MAGI2: variants seen among roughly 807,000 people sequenced by gnomAD.
MAGI2 encodes membrane-associated guanylate kinase, WW and PDZ domain-containing protein 2.
In MAGI2, 35 loss-of-function variants were observed where a neutral mutation model predicts 133.3. The observed-to-expected ratio is 0.26, with a 90% CI of 0.20 to 0.35. The LOEUF is 0.35. MAGI2 is among the 10% of genes least tolerant of loss of function. The pLI is 1.00. For synonymous variants in MAGI2, 729 were observed against 710.6 expected (o/e 1.03, Z -0.41); for missense variants, 1,636 against 1,863.4 (o/e 0.88, Z 2.25).
chr7:79,253,133 C>T (rs1165688716), intron 1 of MAGI2, among the ~76,000 whole-genome samples: 2 of 152,086 alleles, frequency 1.3e-5, no homozygotes, highest in African/African-American at 4.8e-5. Flanking sequence ...GCATACAATT[C>T]GTACAAACTC....
At chr7:78,801,806 A>C (rs1352891803) in intron 2 of MAGI2, among the ~76,000 whole-genome samples, 2 of 152,114 alleles carry the variant, frequency 1.3e-5, no homozygotes, top group Non-Finnish European at 2.9e-5. Context: ...GATCTCATTT[A>C]TTACTCACCA....
chr7:78,020,926 ATTCT>A (rs1223278337), intron 21 of MAGI2, among the ~76,000 whole-genome samples: 1 of 152,174 alleles, frequency 6.6e-6, no homozygotes, highest in Non-Finnish European at 1.5e-5. Flanking sequence ...GACTAAGATA[ATTCT>A]TTCTAGGAAG....
intron 2 of MAGI2, among the ~76,000 whole-genome samples, chr7:78,791,355 T>A (rs543960377): frequency 6.6e-6 from 1 of 152,302 alleles, no homozygotes; most frequent in Non-Finnish European, 1.5e-5. Context: ...GAGAAATAGT[T>A]GAGAAACAGG....
chr7:78,902,779 T>C (rs554235510), intron 2 of MAGI2, among the ~76,000 whole-genome samples: 4 of 152,280 alleles, frequency 2.6e-5, no homozygotes, highest in South Asian at 2.1e-4. Context: ...AAAAGCTCAA[T>C]TGGACCCCTG....
At chr7:79,068,683 G>A (rs1814631620) in intron 1 of MAGI2, among the ~76,000 whole-genome samples, 1 of 151,710 alleles carries the variant, frequency 6.6e-6, no homozygotes, top group South Asian at 2.1e-4. Flanking sequence ...GTGATGGTAG[G>A]GTGTCGATTT....
rs115299761 is a variant in MAGI2 at position 79,000,133 on chromosome 7, C to T, written c.418+6957G>A. On this transcript the variant is annotated intron_variant, in intron 2 of 21. Transcript: ENST00000354212. Reference sequence around the variant, plus strand: ...TATTGCTTCTACTCCTCTGTCTAAACGTGGAGCTACAGTTCAACTTAACAT... The same window carrying T: ...TATTGCTTCTACTCCTCTGTCTAAATGTGGAGCTACAGTTCAACTTAACAT... 217 of 152,224 alleles carry T rather than the reference C, an allele frequency of 1.4e-3. 1 individual carries two copies. Among genetic ancestry groups the T allele is most frequent in the African/African-American group, 4.7e-3 (196 of 41,544 alleles). The allele number at this position is 152,224 out of a possible 1,614,324, so 9.4% of individuals were successfully genotyped here.
intron 1 of MAGI2, among the ~76,000 whole-genome samples, chr7:79,199,208 T>C (rs1356504868): frequency 1.3e-5 from 2 of 152,016 alleles, no homozygotes; most frequent in Non-Finnish European, 2.9e-5. Flanking sequence ...AGCGTCCAAG[T>C]ATGCATAATG....
intron 2 of MAGI2, among the ~76,000 whole-genome samples, chr7:78,890,961 C>T (rs548673413): frequency 3.9e-4 from 60 of 152,132 alleles, no homozygotes; most frequent in African/African-American, 1.3e-3. Context: ...AAAAGACCAA[C>T]GCAATTGATA....
intron 14 of MAGI2, among the ~76,000 whole-genome samples, chr7:78,175,281 C>A (rs1826482096): frequency 6.6e-6 from 1 of 152,158 alleles, no homozygotes; most frequent in African/African-American, 2.4e-5. Context: ...CTGGAACAGC[C>A]TGTGTTTTGT....
intron 1 of MAGI2, among the ~76,000 whole-genome samples, chr7:79,423,815 T>C (rs1185772320): frequency 6.6e-6 from 1 of 152,104 alleles, no homozygotes; most frequent in Non-Finnish European, 1.5e-5. Flanking sequence ...TATGCCTACT[T>C]GATTTGGCTT....
At chr7:78,231,643 C>A (rs780241224) in intron 10 of MAGI2, among the ~76,000 whole-genome samples, 3 of 152,112 alleles carry the variant, frequency 2.0e-5, no homozygotes, top group African/African-American at 4.8e-5. Flanking sequence ...CTTCAAATAG[C>A]CTTCCTCAAG....
In MAGI2 at chr7:78,160,148, G is replaced by T. The variant is rs772788663; in HGVS notation, c.2722C>A (p.Pro908Thr). Reference protein sequence around the residue: ...HAAPSSNASPPEGFASHSLQT... With the variant: ...HAAPSSNASPTEGFASHSLQT... ...AGGCTGTGGGAGGCGAAGCCTTCAG[G>T]GGGAGAGGCATTGCTACTGGGGGCA... The change falls in exon 16 of 22, where the codon CCT (proline) becomes ACT (threonine). Residue 908 changes from proline to threonine, a missense_variant. This residue lies in a region of MAGI2 where 920 missense variants were observed against 1,093.5 expected (regional missense o/e 0.84). Coordinates refer to ENST00000354212, the MANE Select transcript of MAGI2 (RefSeq NM_012301.4). The T allele has an allele frequency of 2.5e-6, 4 of 1,612,836 alleles. No homozygotes were observed. The highest frequency in any genetic ancestry group is 3.4e-6 in the Non-Finnish European group (4 of 1,179,416).
At chr7:79,242,273 G>T (rs1241938965) in intron 1 of MAGI2, among the ~76,000 whole-genome samples, 1 of 152,018 alleles carries the variant, frequency 6.6e-6, no homozygotes, top group Non-Finnish European at 1.5e-5. Context: ...ATAACATCAT[G>T]CTGTATCTCA....
At chr7:78,505,719 G>GTGTA (rs1241360382) in intron 4 of MAGI2, among the ~76,000 whole-genome samples, 1 of 152,204 alleles carries the variant, frequency 6.6e-6, no homozygotes, top group East Asian at 1.9e-4. Context: ...ATGTCAAGAT[G>GTGTA]TGTAGTCTTT....
At chr7:78,542,402 C>T (rs1798486320) in intron 3 of MAGI2, among the ~76,000 whole-genome samples, 1 of 151,990 alleles carries the variant, frequency 6.6e-6, no homozygotes, top group South Asian at 2.1e-4. Context: ...ATAGACAAAG[C>T]TTTTGTCTTC....
At chr7:79,394,470 AC>A (rs1376544556) in intron 1 of MAGI2, among the ~76,000 whole-genome samples, 2 of 152,172 alleles carry the variant, frequency 1.3e-5, no homozygotes, top group Non-Finnish European at 2.9e-5. Context: ...AAAACTGGTA[AC>A]CTGTTATTTC....
intron 12 of MAGI2, among the ~76,000 whole-genome samples, chr7:78,194,318 G>C (rs1359554512): frequency 6.6e-6 from 1 of 152,152 alleles, no homozygotes; most frequent in Non-Finnish European, 1.5e-5. Context: ...GATATTTTAA[G>C]ACTGAATGTT....
intron 1 of MAGI2, among the ~76,000 whole-genome samples, chr7:79,043,751 C>G (rs1332186669): frequency 6.6e-6 from 1 of 151,830 alleles, no homozygotes; most frequent in African/African-American, 2.4e-5. Context: ...AATAACCCCT[C>G]AAATACTATT....
At chr7:78,750,492 G>A (rs1290364668) in intron 2 of MAGI2, among the ~76,000 whole-genome samples, 2 of 152,130 alleles carry the variant, frequency 1.3e-5, no homozygotes, top group Admixed American at 6.5e-5. Context: ...TTGAACTAAC[G>A]AATTGACAGC....
Sources: allele counts gnomAD v4.1 joint callset (sites outside exome capture counted in the v4.1 genomes callset), GRCh38; gene constraint gnomAD v4.1.1; regional missense constraint gnomAD v4.1.1; transcripts MANE v1.5; gene names NCBI Gene and HGNC (gene_info 2026-07-23, HGNC 2026-07-21).